DIS3L: variants seen among roughly 807,000 people sequenced by gnomAD.
DIS3L encodes the protein DIS3 like exosome 3'-5' exoribonuclease.
A neutral mutation model predicts 120.3 loss-of-function variants in DIS3L; 100 were observed. That is an observed-to-expected ratio of 0.83 (90% CI 0.71 to 0.98). DIS3L has a LOEUF of 0.98. Among genes scored for constraint, DIS3L ranks in the 50% least tolerant of loss-of-function variants. The pLI, the probability that DIS3L is intolerant of heterozygous loss-of-function variation, is 0.00. For missense variants in DIS3L, 1,196 were observed against 1,314.2 expected, an observed-to-expected ratio of 0.91 and a Z score of 1.39; for synonymous variants, 426 against 470.6, an observed-to-expected ratio of 0.91 and a Z score of 1.23.
intron 15 of DIS3L, among the ~76,000 whole-genome samples, chr15:66,332,382 G>A (rs745659497): frequency 5.9e-5 from 9 of 151,736 alleles, no homozygotes; most frequent in Non-Finnish European, 7.4e-5. Flanking sequence ...ACTTGAACCC[G>A]GGAAGCAGAG....
intron 2 of DIS3L, 109 bp downstream of exon 2, chr15:66,295,250 CTT>C: frequency 9.5e-7 from 1 of 1,051,988 alleles, no homozygotes; most frequent in African/African-American, 1.6e-5. Context: ...TCAGAAGGGA[CTT>C]TTAAAACTAA....
intron 7 of DIS3L, among the ~76,000 whole-genome samples, chr15:66,316,676 C>T (rs1369623069): frequency 2.0e-5 from 3 of 151,992 alleles, no homozygotes; most frequent in Admixed American, 6.6e-5. Context: ...CTTAGCCGGG[C>T]GAGGTGGTGC....
At chr15:66,323,664 T>C in intron 11 of DIS3L, 79 bp downstream of exon 11, 1 of 1,468,142 alleles carries the variant, frequency 6.8e-7, no homozygotes, top group African/African-American at 1.4e-5. Context: ...TGGCCTCATG[T>C]TTCTTCTCTG....
chr15:66,311,604 C>A, intron 4 of DIS3L, 120 bp from the exon 5 acceptor site: 2 of 1,149,904 alleles, frequency 1.7e-6, no homozygotes, highest in Non-Finnish European at 1.3e-6. Flanking sequence ...AAGTCCTGCT[C>A]ACTGAGCACC....
chr15:66,293,738 C>G lies in DIS3L; in HGVS notation c.139+3C>G. On this transcript the variant is annotated splice_donor_region_variant and intron_variant, in intron 1 of 16. Transcript: ENST00000319212. ...GCAGCCCGCCGCCTGCAGCCACGGT[C>G]AGGGCCGGGGCGGGGGCGGGGACGG... 2 of 1,262,734 alleles carry G rather than the reference C, an allele frequency of 1.6e-6. No homozygotes were observed. Among genetic ancestry groups the G allele is most frequent in the Non-Finnish European group, 2.0e-6 (2 of 1,001,650 alleles). 78.2% of individuals were successfully genotyped at this position (1,262,734 alleles called of 1,614,324 possible).
At chr15:66,294,368 C>G (rs2092561832) in intron 1 of DIS3L, 3 of 985,564 alleles carry the variant, frequency 3.0e-6, no homozygotes, top group East Asian at 1.1e-4. Context: ...GTTACTGGCT[C>G]TCTTCCCCCA....
Position 66,325,966 on chromosome 15 carries a change from A to C in DIS3L, c.1803A>C (p.Leu601Phe). ...EAAQELLDGN[L>F]SVVDDIPEFK... Reference sequence around the variant, plus strand: ...CCCAAGAACTACTGGATGGAAACTTAAGCGTTGTTGATGATATTCCAGAAT... The same window carrying C: ...CCCAAGAACTACTGGATGGAAACTTCAGCGTTGTTGATGATATTCCAGAAT... The change falls in exon 12 of 17, where the codon TTA becomes TTC. Residue 601 changes from leucine to phenylalanine, a missense_variant. Coordinates refer to ENST00000319212, the MANE Select transcript of DIS3L (RefSeq NM_001143688.3). 1.2e-6 allele frequency: 2 copies of C among 1,614,196 alleles called. No homozygotes were observed. The highest frequency in any genetic ancestry group is 1.7e-6 in the Non-Finnish European group (2 of 1,180,032).
intron 2 of DIS3L, among the ~76,000 whole-genome samples, chr15:66,302,020 TG>T (rs2092653006): frequency 6.6e-6 from 1 of 152,206 alleles, no homozygotes. Flanking sequence ...TCTAATCTGG[TG>T]GTAACCCCTG....
intron 2 of DIS3L, among the ~76,000 whole-genome samples, chr15:66,305,785 C>A (rs2140339115): frequency 6.6e-6 from 1 of 152,302 alleles, no homozygotes; most frequent in African/African-American, 2.4e-5. Flanking sequence ...CCTTCCTCAG[C>A]CTCCCAAAGT....
At chr15:66,327,848 G>A (rs1344249159) in intron 12 of DIS3L, among the ~76,000 whole-genome samples, 1 of 152,158 alleles carries the variant, frequency 6.6e-6, no homozygotes, top group African/African-American at 2.4e-5. Context: ...CATCACTGAG[G>A]TCAGGAGTTC....
At chr15:66,318,999 G>A (rs575192234) in intron 8 of DIS3L, among the ~76,000 whole-genome samples, 3 of 152,224 alleles carry the variant, frequency 2.0e-5, no homozygotes, top group Admixed American at 1.3e-4. Context: ...CACTGTGTTG[G>A]CCAGGCTGGT....
At chr15:66,322,958 T>G in intron 10 of DIS3L, 24 bp downstream of exon 10, 1 of 1,612,562 alleles carries the variant, frequency 6.2e-7, no homozygotes. Context: ...AAATCAGCTC[T>G]ATGGTTGTGT....
Sources: allele counts gnomAD v4.1 joint callset (sites outside exome capture counted in the v4.1 genomes callset), GRCh38; gene constraint gnomAD v4.1.1; transcripts MANE v1.5; gene names NCBI Gene and HGNC (gene_info 2026-07-23, HGNC 2026-07-21).